The following GPM6A variants were observed in gnomAD, a reference collection of about 807,000 sequenced individuals.
GPM6A encodes glycoprotein M6A, also known as neuronal membrane glycoprotein M6-a.
A neutral mutation model predicts 32.1 loss-of-function variants in GPM6A; 7 were observed. That is an observed-to-expected ratio of 0.22 (90% CI 0.12 to 0.41). The LOEUF is 0.41. GPM6A is among the 10% of genes least tolerant of loss of function. The probability of loss-of-function intolerance (pLI) is 1.00; values close to 1 mark genes in which losing one functional copy is unlikely to be tolerated. For synonymous variants in GPM6A, 130 were observed against 123.4 expected, an observed-to-expected ratio of 1.05 and a Z score of -0.35; for missense variants, 235 against 347.2, an observed-to-expected ratio of 0.68 and a Z score of 2.57.
rs78761876 is a variant in GPM6A at position 175,647,663 on chromosome 4, G to A, written c.541+4171C>T. ...AGTCTCCTGTAAAATAAAAGATAGC[G>A]TCTATATACTAAGGAGACAACTCTG... On this transcript the variant is annotated intron_variant, in intron 4 of 6. Coordinates refer to ENST00000393658, the MANE Select transcript of GPM6A (RefSeq NM_201591.3). Among the ~76,000 whole-genome samples, 1,041 of 152,100 alleles carry A rather than the reference G, an allele frequency of 6.8e-3. 20 individuals carry two copies. The highest frequency in any genetic ancestry group is 0.024 in the African/African-American group (998 of 41,488).
intron 1 of GPM6A, among the ~76,000 whole-genome samples, chr4:175,771,031 T>A (rs1013610170): frequency 6.6e-6 from 1 of 152,198 alleles, no homozygotes; most frequent in Non-Finnish European, 1.5e-5. Context: ...GTCACAAATA[T>A]GTAATGCCTC....
intron 1 of GPM6A, among the ~76,000 whole-genome samples, chr4:175,747,174 G>A (rs1579454132): frequency 6.6e-6 from 1 of 151,098 alleles, no homozygotes; most frequent in Non-Finnish European, 1.5e-5. Flanking sequence ...GGAGGCTGAG[G>A]CAGGAGAATC....
intron 1 of GPM6A, among the ~76,000 whole-genome samples, chr4:175,848,698 G>T (rs1157481714): frequency 1.3e-5 from 2 of 152,112 alleles, no homozygotes; most frequent in Admixed American, 6.5e-5. Context: ...CTACAACCGA[G>T]CAATGATGTT....
chr4:175,681,736 T>C (rs1299473419), intron 2 of GPM6A, among the ~76,000 whole-genome samples: 1 of 152,126 alleles, frequency 6.6e-6, no homozygotes, highest in Non-Finnish European at 1.5e-5. Flanking sequence ...TTCTGAGGCC[T>C]CCTTAGAAAC....
intron 1 of GPM6A, among the ~76,000 whole-genome samples, chr4:175,882,347 T>C (rs1737306433): frequency 6.6e-6 from 1 of 152,038 alleles, no homozygotes. Context: ...AATAAAATTA[T>C]TTTATGCTGT....
chr4:175,888,147 T>G (rs1737520763), intron 1 of GPM6A, among the ~76,000 whole-genome samples: 1 of 151,902 alleles, frequency 6.6e-6, no homozygotes. Flanking sequence ...AACATCTGAG[T>G]ACAAAGATAG....
At chr4:175,801,718 A>G (rs1734479686) in intron 1 of GPM6A, among the ~76,000 whole-genome samples, 1 of 152,088 alleles carries the variant, frequency 6.6e-6, no homozygotes, top group Non-Finnish European at 1.5e-5. Context: ...TTGCCTGAAA[A>G]GACCTCATCA....
At chr4:175,962,501 T>C (rs2126405060) in intron 1 of GPM6A, 2 of 573,024 alleles carry the variant, frequency 3.5e-6, no homozygotes, top group Middle Eastern at 5.7e-4. Flanking sequence ...CAGCTGCCTA[T>C]CACTTCCCAG....
intron 1 of GPM6A, among the ~76,000 whole-genome samples, chr4:175,852,252 A>AG (rs1484047399): frequency 6.6e-6 from 1 of 152,126 alleles, no homozygotes; most frequent in Non-Finnish European, 1.5e-5. Flanking sequence ...AACCTGGGGG[A>AG]GAAAATATTG....
intron 1 of GPM6A, among the ~76,000 whole-genome samples, chr4:175,830,647 G>T (rs1178000405): frequency 1.3e-5 from 2 of 152,112 alleles, no homozygotes; most frequent in Admixed American, 6.6e-5. Context: ...AAGCAAGTAG[G>T]TTTCTTCAGC....
chr4:175,981,170 G>A (rs1446691153), intron 1 of GPM6A, among the ~76,000 whole-genome samples: 1 of 151,908 alleles, frequency 6.6e-6, no homozygotes, highest in African/African-American at 2.4e-5. Flanking sequence ...GTGGAAAAAA[G>A]CATAAAAATA....
At chr4:175,838,764 G>A (rs778237627) in intron 1 of GPM6A, among the ~76,000 whole-genome samples, 11 of 145,166 alleles carry the variant, frequency 7.6e-5, no homozygotes, top group South Asian at 6.6e-4. Flanking sequence ...GGCGATTCTC[G>A]TGCCTCAGCC....
intron 1 of GPM6A, among the ~76,000 whole-genome samples, chr4:175,765,776 C>T (rs1202537197): frequency 6.6e-6 from 1 of 152,186 alleles, no homozygotes; most frequent in African/African-American, 2.4e-5. Flanking sequence ...TCCCCAAATT[C>T]ACTTCCTGGC....
intron 1 of GPM6A, among the ~76,000 whole-genome samples, chr4:175,886,357 T>C (rs1737455094): frequency 6.6e-6 from 1 of 152,210 alleles, no homozygotes; most frequent in African/African-American, 2.4e-5. Context: ...ACATAATGTC[T>C]GTAAAATGTT....
At chr4:175,999,924 A>G (rs1741424028) in intron 1 of GPM6A, among the ~76,000 whole-genome samples, 1 of 152,140 alleles carries the variant, frequency 6.6e-6, no homozygotes, top group South Asian at 2.1e-4. Flanking sequence ...TCATAAGTAA[A>G]TTAAAAGAAA....
upstream of GPM6A, among the ~76,000 whole-genome samples, chr4:175,813,736 T>C (rs1472767717): frequency 2.6e-5 from 4 of 152,218 alleles, no homozygotes; most frequent in Admixed American, 1.3e-4. Flanking sequence ...ATGCTGCACA[T>C]CACCCTCTAA....
chr4:175,633,730 A>G lies in GPM6A; in HGVS notation c.*1175T>C, dbSNP rs545700194. The G allele has an allele frequency of 1.0e-4, 16 of 152,632 alleles. No homozygotes were observed. Among genetic ancestry groups the G allele is most frequent in the African/African-American group, 3.6e-4 (15 of 41,552 alleles). The allele number at this position is 152,632 out of a possible 1,614,324, so 9.5% of individuals were successfully genotyped here. ...TTTTTATAAATGAATATGAATGAAC[A>G]TTCGGTTAAAATGACTTACTTGAAA... On this transcript the variant is annotated 3_prime_UTR_variant, in exon 7 of 7. Coordinates refer to ENST00000393658, the MANE Select transcript of GPM6A (RefSeq NM_201591.3).
At chr4:175,647,791 T>C (rs1741546732) in intron 4 of GPM6A, among the ~76,000 whole-genome samples, 1 of 152,214 alleles carries the variant, frequency 6.6e-6, no homozygotes. Context: ...GGAATGGTTC[T>C]CTTCTGATGC....
chr4:175,815,820 C>T (rs563290076), upstream of GPM6A, among the ~76,000 whole-genome samples: 318 of 147,320 alleles, frequency 2.2e-3, no homozygotes, highest in African/African-American at 7.6e-3. Flanking sequence ...CGGATTCAAG[C>T]GATTCTCCTG....
Sources: allele counts gnomAD v4.1 joint callset (sites outside exome capture counted in the v4.1 genomes callset), GRCh38; gene constraint gnomAD v4.1.1; transcripts MANE v1.5; gene names NCBI Gene and HGNC (gene_info 2026-07-23, HGNC 2026-07-21).